The following MACROD2 variants were observed in gnomAD, a reference collection of about 807,000 sequenced individuals.
MACROD2 encodes ADP-ribose glycohydrolase MACROD2.
MACROD2 carries 36 observed loss-of-function variants against 70.4 expected under a neutral mutation model. The ratio of observed to expected loss-of-function variants is 0.51; its 90% CI spans 0.39 to 0.68. The LOEUF (loss-of-function observed/expected upper bound fraction) is 0.68. MACROD2 is among the 30% of genes least tolerant of loss of function. MACROD2 has a pLI of 0.00. For synonymous variants in MACROD2, 172 were observed against 178.8 expected, an observed-to-expected ratio of 0.96 and a Z score of 0.30; for missense variants, 496 against 538.4, an observed-to-expected ratio of 0.92 and a Z score of 0.78.
chr20:14,533,880 C>T (rs988832135), intron 4 of MACROD2, among the ~76,000 whole-genome samples: 2 of 152,172 alleles, frequency 1.3e-5, no homozygotes, highest in African/African-American at 4.8e-5. Flanking sequence ...AATGTGTCCA[C>T]ATGGATATAC....
chr20:14,880,778 T>C (rs984918650), intron 5 of MACROD2, among the ~76,000 whole-genome samples: 1 of 152,206 alleles, frequency 6.6e-6, no homozygotes, highest in African/African-American at 2.4e-5. Flanking sequence ...GTCTAACTTA[T>C]GCCTTGGAAT....
chr20:15,175,154 CATT>C (rs2076450702), intron 5 of MACROD2, among the ~76,000 whole-genome samples: 2 of 151,806 alleles, frequency 1.3e-5, no homozygotes, highest in Non-Finnish European at 2.9e-5. Flanking sequence ...TGGAAATCAT[CATT>C]CTCAGTAAAC....
intron 5 of MACROD2, among the ~76,000 whole-genome samples, chr20:15,180,874 A>G (rs1295504927): frequency 6.6e-6 from 1 of 152,226 alleles, no homozygotes; most frequent in Non-Finnish European, 1.5e-5. Flanking sequence ...AGTTATAATC[A>G]TCATGTTCTA....
intron 6 of MACROD2, among the ~76,000 whole-genome samples, chr20:15,330,762 G>A (rs753098362): frequency 3.3e-5 from 5 of 151,622 alleles, no homozygotes; most frequent in African/African-American, 7.3e-5. Context: ...ATTCAAACTG[G>A]GCTGTTAAGT....
intron 3 of MACROD2, among the ~76,000 whole-genome samples, chr20:14,467,646 G>C (rs2084472901): frequency 6.6e-6 from 1 of 151,962 alleles, no homozygotes; most frequent in Non-Finnish European, 1.5e-5. Flanking sequence ...GACTGGAGCT[G>C]TTTCTATTCG....
intron 15 of MACROD2, among the ~76,000 whole-genome samples, chr20:16,007,780 C>G (rs1332833814): frequency 4.6e-5 from 7 of 152,060 alleles, no homozygotes; most frequent in Admixed American, 1.3e-4. Context: ...TCCACCCTAC[C>G]CTTTTCCCCT....
intron 10 of MACROD2, among the ~76,000 whole-genome samples, chr20:15,890,473 G>A (rs944890691): frequency 6.6e-6 from 1 of 152,118 alleles, no homozygotes; most frequent in Admixed American, 6.5e-5. Flanking sequence ...GAATCCCTTT[G>A]AGCCCAGTAT....
intron 4 of MACROD2, among the ~76,000 whole-genome samples, chr20:14,495,718 T>C (rs2084845928): frequency 6.6e-6 from 1 of 152,158 alleles, no homozygotes; most frequent in Non-Finnish European, 1.5e-5. Flanking sequence ...TGTGAGAAGA[T>C]TTATGAATTT....
intron 3 of MACROD2, among the ~76,000 whole-genome samples, chr20:14,489,021 G>A (rs959046006): frequency 1.3e-5 from 2 of 151,994 alleles, no homozygotes; most frequent in African/African-American, 4.8e-5. Context: ...TCTATTTTTG[G>A]CTTCATAGTG....
chr20:15,212,883 A>G (rs1016862937), intron 5 of MACROD2, among the ~76,000 whole-genome samples: 6 of 152,130 alleles, frequency 3.9e-5, no homozygotes, highest in Non-Finnish European at 8.8e-5. Flanking sequence ...CTCCACCCCT[A>G]CTCCATTCCA....
At chr20:15,690,743 G>C (rs1450522870) in intron 8 of MACROD2, among the ~76,000 whole-genome samples, 3 of 152,080 alleles carry the variant, frequency 2.0e-5, no homozygotes, top group African/African-American at 7.2e-5. Flanking sequence ...CTGTGGTCTT[G>C]CCTCTAAAAA....
chr20:15,420,697 T>A (rs1160626949), intron 6 of MACROD2, among the ~76,000 whole-genome samples: 1 of 152,244 alleles, frequency 6.6e-6, no homozygotes, highest in Non-Finnish European at 1.5e-5. Context: ...TTTAAAATTT[T>A]AAATGTGCTT....
intron 3 of MACROD2, among the ~76,000 whole-genome samples, chr20:14,492,895 T>TGTTTTA (rs2084810424): frequency 6.6e-6 from 1 of 152,110 alleles, no homozygotes; most frequent in Non-Finnish European, 1.5e-5. Flanking sequence ...TTAGCTCCTA[T>TGTTTTA]AAATGTGTGT....
At chr20:15,967,081 T>A (rs1568673558) in intron 12 of MACROD2, among the ~76,000 whole-genome samples, 1 of 152,178 alleles carries the variant, frequency 6.6e-6, no homozygotes, top group Non-Finnish European at 1.5e-5. Flanking sequence ...TGTTCTACTG[T>A]TATGGTTCCC....
At chr20:14,808,551 A>G (rs1395324097) in intron 5 of MACROD2, among the ~76,000 whole-genome samples, 1 of 152,152 alleles carries the variant, frequency 6.6e-6, no homozygotes, top group Non-Finnish European at 1.5e-5. Context: ...ACCAGCTAGC[A>G]TGATAATGAC....
chr20:14,559,886 T>C (rs1979309614), intron 4 of MACROD2, among the ~76,000 whole-genome samples: 1 of 151,680 alleles, frequency 6.6e-6, no homozygotes, highest in Admixed American at 6.6e-5. Context: ...TGCTACCATT[T>C]CTCTTCTCTG....
intron 4 of MACROD2, among the ~76,000 whole-genome samples, chr20:14,555,346 A>G (rs539570676): frequency 6.8e-4 from 103 of 152,144 alleles, no homozygotes; most frequent in African/African-American, 2.4e-3. Flanking sequence ...AGAATTTGGG[A>G]GAATTCTAAT....
intron 8 of MACROD2, among the ~76,000 whole-genome samples, chr20:15,544,936 C>T (rs1295048570): frequency 6.6e-6 from 1 of 152,146 alleles, no homozygotes; most frequent in Non-Finnish European, 1.5e-5. Flanking sequence ...TTCCAGGCCG[C>T]ATTCCTCAGA....
At chr20:15,779,624 A>G (rs1448297603) in intron 8 of MACROD2, among the ~76,000 whole-genome samples, 1 of 152,126 alleles carries the variant, frequency 6.6e-6, no homozygotes, top group Non-Finnish European at 1.5e-5. Flanking sequence ...CAGGGAATTT[A>G]AGGTTGTTTG....
Sources: allele counts gnomAD v4.1 joint callset (sites outside exome capture counted in the v4.1 genomes callset), GRCh38; gene constraint gnomAD v4.1.1; transcripts MANE v1.5; gene names NCBI Gene and HGNC (gene_info 2026-07-23, HGNC 2026-07-21).